The following ACBD6 variants were observed in gnomAD, a reference collection of about 807,000 sequenced individuals.
ACBD6 encodes acyl-CoA-binding domain-containing protein 6.
A neutral mutation model predicts 37.2 loss-of-function variants in ACBD6; 28 were observed. That is an observed-to-expected ratio of 0.75 (90% CI 0.56 to 1.03). The LOEUF is 1.03. ACBD6 is among the 50% of genes least tolerant of loss of function. The pLI is 0.00. For synonymous variants in ACBD6, 113 were observed against 126.8 expected (o/e 0.89, Z 0.73); for missense variants, 340 against 337.4 (o/e 1.01, Z -0.06).
intron 6 of ACBD6, among the ~76,000 whole-genome samples, chr1:180,347,940 G>A (rs540811469): frequency 6.6e-6 from 1 of 150,888 alleles, no homozygotes; most frequent in East Asian, 1.9e-4. Context: ...GTGACACAGC[G>A]AGACCCCGTC....
At chr1:180,405,739 G>C (rs921283112) in intron 5 of ACBD6, among the ~76,000 whole-genome samples, 5 of 152,086 alleles carry the variant, frequency 3.3e-5, no homozygotes, top group Non-Finnish European at 7.4e-5. Context: ...ATTTGAGCCT[G>C]ATGTTTGATA....
intron 6 of ACBD6, among the ~76,000 whole-genome samples, chr1:180,335,111 C>T (rs1483582095): frequency 6.6e-6 from 1 of 152,162 alleles, no homozygotes; most frequent in Non-Finnish European, 1.5e-5. Flanking sequence ...AGGAGAACTT[C>T]CCCAAACTAG....
At chr1:180,311,457 A>G (rs1650591429) in intron 7 of ACBD6, among the ~76,000 whole-genome samples, 1 of 152,118 alleles carries the variant, frequency 6.6e-6, no homozygotes, top group Non-Finnish European at 1.5e-5. Context: ...AATTTTTTTG[A>G]GACAGGGTCT....
intron 3 of ACBD6, among the ~76,000 whole-genome samples, chr1:180,476,806 C>T (rs566720071): frequency 6.6e-6 from 1 of 152,000 alleles, no homozygotes; most frequent in Admixed American, 6.6e-5. Flanking sequence ...GCCTGGGCAA[C>T]AGAGTGAGAC....
chr1:180,485,659 T>A (rs1304164946), intron 3 of ACBD6, among the ~76,000 whole-genome samples: 1 of 152,170 alleles, frequency 6.6e-6, no homozygotes, highest in Admixed American at 6.5e-5. Flanking sequence ...CCTCCACAAC[T>A]GTGAGAGAAT....
intron 6 of ACBD6, among the ~76,000 whole-genome samples, chr1:180,380,873 T>C (rs1653616719): frequency 6.6e-6 from 1 of 152,122 alleles, no homozygotes; most frequent in Non-Finnish European, 1.5e-5. Flanking sequence ...CATATATCAA[T>C]AATAACCTTA....
intron 3 of ACBD6, among the ~76,000 whole-genome samples, chr1:180,463,271 T>C (rs1650219804): frequency 6.6e-6 from 1 of 152,106 alleles, no homozygotes; most frequent in Non-Finnish European, 1.5e-5. Flanking sequence ...AAAAGATCGA[T>C]GAATCCAGAA....
At chr1:180,468,675 G>A (rs963568515) in intron 3 of ACBD6, among the ~76,000 whole-genome samples, 1 of 152,042 alleles carries the variant, frequency 6.6e-6, no homozygotes, top group African/African-American at 2.4e-5. Context: ...AGTCTACAAG[G>A]TTCTGTTAAT....
intron 4 of ACBD6, among the ~76,000 whole-genome samples, chr1:180,421,784 T>TC (rs1179954738): frequency 1.3e-5 from 2 of 151,786 alleles, no homozygotes; most frequent in African/African-American, 4.9e-5. Flanking sequence ...GAGCTTTTTT[T>TC]CACATGTTTG....
At chr1:180,356,294 TC>T in intron 6 of ACBD6, among the ~76,000 whole-genome samples, 1 of 152,118 alleles carries the variant, frequency 6.6e-6, no homozygotes, top group South Asian at 2.1e-4. Context: ...ACCTCAGCCT[TC>T]CAAGTAGCTG....
intron 2 of ACBD6, among the ~76,000 whole-genome samples, chr1:180,495,213 T>C (rs1651684828): frequency 6.6e-6 from 1 of 152,334 alleles, no homozygotes; most frequent in East Asian, 1.9e-4. Flanking sequence ...TCTCATGGTA[T>C]TAAAATGTAA....
At chr1:180,396,276 A>C (rs1211371353) in intron 6 of ACBD6, among the ~76,000 whole-genome samples, 1 of 152,224 alleles carries the variant, frequency 6.6e-6, no homozygotes, top group Non-Finnish European at 1.5e-5. Flanking sequence ...TATACACTTA[A>C]AATTGTTAAA....
intron 9 of ACBD6, chr1:180,277,122 A>C (rs1649082446): frequency 6.6e-6 from 1 of 152,174 alleles, no homozygotes; most frequent in Admixed American, 6.5e-5. Flanking sequence ...GAAAGCAGCA[A>C]ACACTGCTGC....
chr1:180,482,235 G>T (rs995920562), intron 3 of ACBD6, among the ~76,000 whole-genome samples: 39 of 152,148 alleles, frequency 2.6e-4, no homozygotes, highest in Admixed American at 2.5e-3. Context: ...ATAGGTAAAA[G>T]ATAACTAGCT....
intron 3 of ACBD6, among the ~76,000 whole-genome samples, chr1:180,478,590 G>A (rs1046240949): frequency 1.3e-5 from 2 of 151,628 alleles, no homozygotes; most frequent in African/African-American, 4.8e-5. Flanking sequence ...CCAGGTTCAA[G>A]CAATTCTCCT....
Position 180,467,472 on chromosome 1 carries a change from A to AAAAAC in ACBD6, c.384+24796_384+24797insGTTTT, listed in dbSNP as rs370655998. 1.6e-3 allele frequency among the ~76,000 whole-genome samples: 182 copies of AAAAAC among 114,520 alleles called. 10 individuals carry two copies. Among genetic ancestry groups the AAAAAC allele is most frequent in the African/African-American group, 6.0e-3 (164 of 27,394 alleles). 75.1% of individuals were successfully genotyped at this position (114,520 alleles called of 152,430 possible). A position where few individuals can be genotyped will look rare whatever the true frequency, so the allele number is the denominator to read the frequency against. On this transcript the variant is annotated intron_variant, in intron 3 of 7. Transcript: ENST00000367595. ...GCAAAAAAAAAAAAAAAAAAAAAAAACAAAAACAAACAAACAAAAAAACTT... is the reference window on the plus strand; with the variant it reads ...GCAAAAAAAAAAAAAAAAAAAAAAAAAAAACCAAAAACAAACAAACAAAAAAACTT...
intron 3 of ACBD6, among the ~76,000 whole-genome samples, chr1:180,454,582 A>C (rs1649843350): frequency 6.6e-6 from 1 of 152,176 alleles, no homozygotes; most frequent in African/African-American, 2.4e-5. Flanking sequence ...ATCAGAGTGA[A>C]GAGGCAGTCT....
chr1:180,322,996 G>T (rs184562764), intron 6 of ACBD6, among the ~76,000 whole-genome samples: 1 of 151,410 alleles, frequency 6.6e-6, no homozygotes, highest in African/African-American at 2.4e-5. Context: ...TGATGCAGGC[G>T]CTATAAACTT....
chr1:180,496,673 A>C (rs2331745), intron 1 of ACBD6, among the ~76,000 whole-genome samples: 1 of 152,220 alleles, frequency 6.6e-6, no homozygotes, highest in South Asian at 2.1e-4. Flanking sequence ...CTCTGAATTC[A>C]TAACAATTAC....
Sources: allele counts gnomAD v4.1 joint callset (sites outside exome capture counted in the v4.1 genomes callset), GRCh38; gene constraint gnomAD v4.1.1; transcripts MANE v1.5; gene names NCBI Gene and HGNC (gene_info 2026-07-23, HGNC 2026-07-21).